The following MAGI2 variants were observed in gnomAD, a reference collection of about 807,000 sequenced individuals.
MAGI2 encodes membrane associated guanylate kinase, WW and PDZ domain containing 2, also known as membrane-associated guanylate kinase, WW and PDZ domain-containing protein 2.
In MAGI2, 35 loss-of-function variants were observed where a neutral mutation model predicts 133.3. The ratio of observed to expected loss-of-function variants is 0.26; its 90% CI spans 0.20 to 0.35. MAGI2 has a LOEUF of 0.35. Among genes scored for constraint, MAGI2 ranks in the 10% least tolerant of loss-of-function variants. MAGI2 has a pLI of 1.00. For synonymous variants in MAGI2, 729 were observed against 710.6 expected (o/e 1.03, Z -0.41); for missense variants, 1,636 against 1,863.4 (o/e 0.88, Z 2.25).
At chr7:78,180,436 G>T (rs1827082888) in intron 13 of MAGI2, among the ~76,000 whole-genome samples, 3 of 152,186 alleles carry the variant, frequency 2.0e-5, no homozygotes, top group Admixed American at 2.0e-4. Flanking sequence ...CAAGAAGTTT[G>T]TCTTTTGTCA....
chr7:79,238,046 G>T (rs1482019385), intron 1 of MAGI2, among the ~76,000 whole-genome samples: 3 of 152,036 alleles, frequency 2.0e-5, no homozygotes, highest in African/African-American at 7.2e-5. Context: ...CTTGAAATTA[G>T]GATTTTCAGT....
chr7:78,666,758 T>C (rs1813634605), intron 2 of MAGI2, among the ~76,000 whole-genome samples: 1 of 152,204 alleles, frequency 6.6e-6, no homozygotes, highest in South Asian at 2.1e-4. Context: ...AAAATACTGC[T>C]CTCTTTACTT....
At chr7:79,391,341 C>A (rs1317846630) in intron 1 of MAGI2, among the ~76,000 whole-genome samples, 1 of 151,104 alleles carries the variant, frequency 6.6e-6, no homozygotes, top group Non-Finnish European at 1.5e-5. Context: ...TCAAAACAAA[C>A]TAAAAGGTAA....
intron 3 of MAGI2, among the ~76,000 whole-genome samples, chr7:78,531,375 A>G (rs1053440968): frequency 6.6e-6 from 1 of 151,854 alleles, no homozygotes; most frequent in Non-Finnish European, 1.5e-5. Context: ...CTCCACGTCG[A>G]ATTAATTTTT....
At chr7:78,122,840 C>G (rs1192907375) in intron 20 of MAGI2, among the ~76,000 whole-genome samples, 2 of 151,914 alleles carry the variant, frequency 1.3e-5, no homozygotes, top group African/African-American at 2.4e-5. Flanking sequence ...TTTTTATGTT[C>G]ATTATTTTTT....
Position 79,164,901 on chromosome 7 carries a change from T to C in MAGI2, c.302-157695A>G, listed in dbSNP as rs931160195. Among the ~76,000 whole-genome samples the C allele has an allele frequency of 5.3e-5, 8 of 152,216 alleles. No homozygotes were observed. In the East Asian group the frequency reaches 1.4e-3, roughly 26 times the overall value. On this transcript the variant is annotated intron_variant, in intron 1 of 21. Coordinates refer to ENST00000354212, the MANE Select transcript of MAGI2 (RefSeq NM_012301.4). ...TCATATTTGGCTCAGAATAAATCTCTTCAAAGATTTTACAGCATTTGACTG... is the reference window on the plus strand; with the variant it reads ...TCATATTTGGCTCAGAATAAATCTCCTCAAAGATTTTACAGCATTTGACTG...
intron 21 of MAGI2, among the ~76,000 whole-genome samples, chr7:78,068,257 T>C (rs1490013764): frequency 6.6e-6 from 1 of 152,180 alleles, no homozygotes; most frequent in Non-Finnish European, 1.5e-5. Flanking sequence ...AATCTAATGC[T>C]GCCACTGATC....
chr7:78,991,506 G>T (rs1180210825), intron 2 of MAGI2, among the ~76,000 whole-genome samples: 2 of 151,038 alleles, frequency 1.3e-5, no homozygotes, highest in Non-Finnish European at 2.9e-5. Context: ...TTATAATCAA[G>T]ATAAAAACTG....
intron 20 of MAGI2, among the ~76,000 whole-genome samples, chr7:78,115,448 G>T (rs1819768339): frequency 6.6e-6 from 1 of 152,098 alleles, no homozygotes; most frequent in South Asian, 2.1e-4. Flanking sequence ...AAAAAATCCA[G>T]GTTAATAGGC....
intron 2 of MAGI2, among the ~76,000 whole-genome samples, chr7:78,921,800 T>A (rs1473055590): frequency 6.6e-6 from 1 of 151,922 alleles, no homozygotes; most frequent in Non-Finnish European, 1.5e-5. Context: ...CCCAGCTAAT[T>A]TTTTTGTATT....
intron 1 of MAGI2, among the ~76,000 whole-genome samples, chr7:79,229,645 G>T (rs1178241307): frequency 6.6e-6 from 1 of 152,150 alleles, no homozygotes; most frequent in East Asian, 1.9e-4. Flanking sequence ...AATTGACCAA[G>T]AATCAGATTC....
intron 13 of MAGI2, among the ~76,000 whole-genome samples, chr7:78,180,924 ATTT>A (rs371615787): frequency 0.4 from 42,769 of 107,464 alleles, 7,814 homozygotes; most frequent in Non-Finnish European, 0.46. Context: ...AGGCAGCAGT[ATTT>A]TTTTTTTTTT....
intron 2 of MAGI2, among the ~76,000 whole-genome samples, chr7:78,721,895 T>C (rs923464788): frequency 4.6e-5 from 7 of 151,934 alleles, no homozygotes; most frequent in African/African-American, 1.7e-4. Flanking sequence ...TCAGAAAATT[T>C]AAATCAAAGA....
At chr7:79,302,338 G>T (rs1037460883) in intron 1 of MAGI2, among the ~76,000 whole-genome samples, 15 of 152,064 alleles carry the variant, frequency 9.9e-5, no homozygotes, top group Non-Finnish European at 1.9e-4. Context: ...TTTATATAGG[G>T]GAAATAATGA....
chr7:79,304,213 G>C (rs868814335), intron 1 of MAGI2, among the ~76,000 whole-genome samples: 3 of 127,364 alleles, frequency 2.4e-5, no homozygotes, highest in Admixed American at 7.3e-5. Context: ...CTGTGTGTGT[G>C]TGTGTGTGTG....
intron 3 of MAGI2, among the ~76,000 whole-genome samples, chr7:78,626,623 A>G (rs1246362992): frequency 6.6e-6 from 1 of 152,136 alleles, no homozygotes; most frequent in Non-Finnish European, 1.5e-5. Context: ...GTTCATTCAC[A>G]GATCATATTT....
intron 1 of MAGI2, among the ~76,000 whole-genome samples, chr7:79,047,667 T>C (rs1812305219): frequency 6.6e-6 from 1 of 152,146 alleles, no homozygotes; most frequent in South Asian, 2.1e-4. Context: ...TATATGTATA[T>C]GAAGGTTTGA....
chr7:78,613,089 A>C (rs1337904582), intron 3 of MAGI2, among the ~76,000 whole-genome samples: 1 of 152,244 alleles, frequency 6.6e-6, no homozygotes, highest in African/African-American at 2.4e-5. Context: ...ATATAAGTAC[A>C]TAGTAAGACC....
intron 2 of MAGI2, among the ~76,000 whole-genome samples, chr7:78,953,512 A>C (rs1562709682): frequency 6.6e-6 from 1 of 152,168 alleles, no homozygotes; most frequent in Admixed American, 6.6e-5. Context: ...GAAATAACTT[A>C]TAATAACATT....
Sources: gnomAD v4.1 joint callset for allele counts (sites outside exome capture counted in the v4.1 genomes callset) on GRCh38, gnomAD v4.1.1 for gene constraint, MANE v1.5 for transcripts, NCBI Gene and HGNC (gene_info 2026-07-23, HGNC 2026-07-21) for gene names.